Variants in PCDH15 observed in about 807,000 individuals in gnomAD.
The protein encoded by PCDH15 is protocadherin-15.
In PCDH15, 129 loss-of-function variants were observed where a neutral mutation model predicts 178.5. The observed-to-expected ratio is 0.72, with a 90% CI of 0.63 to 0.84. The LOEUF (loss-of-function observed/expected upper bound fraction) is 0.84. Among genes scored for constraint, PCDH15 ranks in the 40% least tolerant of loss-of-function variants. PCDH15 has a pLI of 0.00. For synonymous variants in PCDH15, 800 were observed against 732.0 expected, an observed-to-expected ratio of 1.09 and a Z score of -1.50; for missense variants, 2,230 against 2,099.9, an observed-to-expected ratio of 1.06 and a Z score of -1.21.
At chr10:54,972,901 C>T (rs1023816762) in intron 2 of PCDH15, among the ~76,000 whole-genome samples, 1 of 137,706 alleles carries the variant, frequency 7.3e-6, no homozygotes, top group African/African-American at 2.7e-5. Flanking sequence ...CTAGCAAATA[C>T]ACTCCTTAGA....
intron 3 of PCDH15, among the ~76,000 whole-genome samples, chr10:54,422,595 A>T (rs1955680138): frequency 6.6e-6 from 1 of 152,172 alleles, no homozygotes; most frequent in Admixed American, 6.5e-5. Context: ...GTCTCTGGCC[A>T]GTAGTGTACC....
intron 1 of PCDH15, among the ~76,000 whole-genome samples, chr10:55,246,243 T>C (rs1460949787): frequency 1.3e-5 from 2 of 152,212 alleles, no homozygotes; most frequent in African/African-American, 2.4e-5. Context: ...TTGCATGTAG[T>C]TTCTTTTCTC....
At chr10:54,087,995 T>TAAGTTTCC (rs2094542043) in intron 16 of PCDH15, among the ~76,000 whole-genome samples, 1 of 152,146 alleles carries the variant, frequency 6.6e-6, no homozygotes, top group Non-Finnish European at 1.5e-5. Context: ...TCATGACTTT[T>TAAGTTTCC]AAGTTTCCTG....
At chr10:54,202,382 G>T (rs1323181517) in intron 10 of PCDH15, among the ~76,000 whole-genome samples, 2 of 152,028 alleles carry the variant, frequency 1.3e-5, no homozygotes, top group Non-Finnish European at 2.9e-5. Context: ...TAGAGGGAGT[G>T]GGTAAGGAAA....
chr10:54,578,220 T>C (rs1461793045), intron 2 of PCDH15, among the ~76,000 whole-genome samples: 2 of 152,260 alleles, frequency 1.3e-5, no homozygotes, highest in Middle Eastern at 3.4e-3. Flanking sequence ...AGGAAGTTTT[T>C]GTGCCTTTCA....
chr10:54,904,364 A>G (rs1240797387), intron 2 of PCDH15, among the ~76,000 whole-genome samples: 1 of 152,080 alleles, frequency 6.6e-6, no homozygotes, highest in African/African-American at 2.4e-5. Context: ...TACAAAGAGA[A>G]GAGACTATCT....
intron 2 of PCDH15, among the ~76,000 whole-genome samples, chr10:54,659,972 A>C (rs1026600516): frequency 2.6e-5 from 4 of 152,112 alleles, no homozygotes; most frequent in Non-Finnish European, 5.9e-5. Flanking sequence ...AAATGCCTAC[A>C]TAAAAAGATA....
At chr10:54,136,827 C>T (rs1054456686) in intron 14 of PCDH15, among the ~76,000 whole-genome samples, 1 of 152,148 alleles carries the variant, frequency 6.6e-6, no homozygotes, top group South Asian at 2.1e-4. Context: ...TCCTCTGTTC[C>T]TTTCCACAAT....
chr10:54,312,683 A>G (rs2060984551), intron 8 of PCDH15, among the ~76,000 whole-genome samples: 1 of 152,070 alleles, frequency 6.6e-6, no homozygotes, highest in Non-Finnish European at 1.5e-5. Flanking sequence ...AGCCAAAATC[A>G]ACTTGGTAGC....
intron 10 of PCDH15, among the ~76,000 whole-genome samples, chr10:54,213,135 A>G (rs867991783): frequency 6.6e-6 from 1 of 152,020 alleles, no homozygotes; most frequent in Admixed American, 6.6e-5. Context: ...TGAGAGAGTT[A>G]TGTACTATAT....
chr10:55,392,030 A>G (rs1465255381), intron 2 of PCDH15, among the ~76,000 whole-genome samples: 4 of 152,178 alleles, frequency 2.6e-5, no homozygotes, highest in Non-Finnish European at 5.9e-5. Flanking sequence ...CAGCTGATAG[A>G]GGGAATTAAG....
chr10:53,835,636 G>T (rs1055359122), intron 29 of PCDH15, among the ~76,000 whole-genome samples: 1 of 152,154 alleles, frequency 6.6e-6, no homozygotes, highest in Non-Finnish European at 1.5e-5. Flanking sequence ...GCTGCCATAG[G>T]CTGGGCACGG....
At chr10:54,112,112 C>T (rs2095036517) in intron 15 of PCDH15, among the ~76,000 whole-genome samples, 1 of 151,840 alleles carries the variant, frequency 6.6e-6, no homozygotes, top group Admixed American at 6.6e-5. Flanking sequence ...CTACTGCACT[C>T]CACTGAGTGA....
rs111869933 is a variant in PCDH15, at chr10:54,790,341, CAT to C, written c.-29+10582_-29+10583del. Among the ~76,000 whole-genome samples the C allele has an allele frequency of 4.0e-4, 60 of 150,122 alleles. 1 individual carries two copies. Among genetic ancestry groups the C allele is most frequent in the African/African-American group, 9.7e-4 (40 of 41,050 alleles). On this transcript the variant is annotated intron_variant, in intron 1 of 37. Transcript: ENST00000644397. Reference sequence around the variant, plus strand: ...ACATTTTTACATATGTATATATTTACATATATATATATACCTATATATGTAAA... The same window carrying C: ...ACATTTTTACATATGTATATATTTACATATATATATACCTATATATGTAAA...
chr10:54,700,563 C>T (rs1294337391), intron 1 of PCDH15, among the ~76,000 whole-genome samples: 4 of 151,996 alleles, frequency 2.6e-5, no homozygotes, highest in Non-Finnish European at 5.9e-5. Context: ...TCAATAATTT[C>T]AAAATACAAT....
At chr10:55,306,436 G>T (rs1403848859) in intron 1 of PCDH15, among the ~76,000 whole-genome samples, 1 of 152,028 alleles carries the variant, frequency 6.6e-6, no homozygotes, top group Non-Finnish European at 1.5e-5. Flanking sequence ...GGATCTTTTT[G>T]GTAAGGACAC....
intron 13 of PCDH15, among the ~76,000 whole-genome samples, chr10:54,170,077 A>G (rs2046720687): frequency 2.9e-5 from 4 of 136,688 alleles, no homozygotes; most frequent in Non-Finnish European, 6.3e-5. Context: ...ACTGACCCTG[A>G]CACCCATCAA....
chr10:55,482,815 G>T (rs990246430), intron 2 of PCDH15, among the ~76,000 whole-genome samples: 3 of 151,758 alleles, frequency 2.0e-5, no homozygotes, highest in Admixed American at 1.3e-4. Flanking sequence ...ATCTTCTCCT[G>T]GAGTATCTTA....
intron 2 of PCDH15, among the ~76,000 whole-genome samples, chr10:55,000,458 C>T (rs551491693): frequency 6.6e-6 from 1 of 152,064 alleles, no homozygotes; most frequent in Non-Finnish European, 1.5e-5. Context: ...TTTCAAGGTG[C>T]CCAGATTTCA....
Sources: allele counts gnomAD v4.1 joint callset (sites outside exome capture counted in the v4.1 genomes callset), GRCh38; gene constraint gnomAD v4.1.1; transcripts MANE v1.5; gene names NCBI Gene and HGNC (gene_info 2026-07-23, HGNC 2026-07-21).